CACNB2: variants seen among roughly 807,000 people sequenced by gnomAD.
CACNB2 encodes the protein voltage-dependent L-type calcium channel subunit beta-2.
CACNB2 carries 42 observed loss-of-function variants against 73.3 expected under a neutral mutation model. The ratio of observed to expected loss-of-function variants is 0.57; its 90% CI spans 0.45 to 0.74. The LOEUF is 0.74. Among genes scored for constraint, CACNB2 ranks in the 30% least tolerant of loss-of-function variants. The pLI, the probability that CACNB2 is intolerant of heterozygous loss-of-function variation, is 0.00. For missense variants in CACNB2, 940 were observed against 853.0 expected (o/e 1.10, Z -1.27); for synonymous variants, 348 against 310.3 (o/e 1.12, Z -1.28).
chr10:18,527,155 C>T (rs2052554103), intron 9 of CACNB2, among the ~76,000 whole-genome samples: 1 of 151,856 alleles, frequency 6.6e-6, no homozygotes, highest in African/African-American at 2.4e-5. Context: ...CCGAGGGAGG[C>T]GGATCACTTG....
At chr10:18,180,335 A>C (rs12246467) in intron 2 of CACNB2, among the ~76,000 whole-genome samples, 5,987 of 152,202 alleles carry the variant, frequency 0.039, 396 homozygotes, top group African/African-American at 0.14. Flanking sequence ...GATCCATTGC[A>C]CTAGATGAAA....
At chr10:18,506,599 C>T (rs1484212151) in intron 6 of CACNB2, 52 bp downstream of exon 6, 1 of 1,114,366 alleles carries the variant, frequency 9.0e-7, no homozygotes, top group South Asian at 1.2e-5. Flanking sequence ...ATGCTTTCCC[C>T]AGCTCTATCC....
At chr10:18,225,243 TG>T (rs1306791947) in intron 2 of CACNB2, among the ~76,000 whole-genome samples, 2 of 151,864 alleles carry the variant, frequency 1.3e-5, no homozygotes, top group African/African-American at 4.8e-5. Context: ...TGGCAGAGGA[TG>T]GGGGATGGGG....
At chr10:18,376,159 G>A (rs1445809417) in intron 2 of CACNB2, among the ~76,000 whole-genome samples, 1 of 152,156 alleles carries the variant, frequency 6.6e-6, no homozygotes, top group Non-Finnish European at 1.5e-5. Flanking sequence ...GTACTATTCA[G>A]CCATAAAAAA....
At chr10:18,333,759 TTGGGGTG>T (rs774302052) in intron 2 of CACNB2, among the ~76,000 whole-genome samples, 5 of 152,178 alleles carry the variant, frequency 3.3e-5, no homozygotes, top group Non-Finnish European at 7.3e-5. Flanking sequence ...AAACTCTAAA[TTGGGGTG>T]TGATCAAGGG....
At chr10:18,171,508 G>A (rs1166740566) in intron 2 of CACNB2, among the ~76,000 whole-genome samples, 1 of 78,202 alleles carries the variant, frequency 1.3e-5, no homozygotes, top group Non-Finnish European at 2.4e-5. Context: ...CCTTCTTCCC[G>A]GCTTTGATAG....
chr10:18,218,204 T>C (rs2035589338), intron 2 of CACNB2, among the ~76,000 whole-genome samples: 1 of 152,198 alleles, frequency 6.6e-6, no homozygotes, highest in Non-Finnish European at 1.5e-5. Flanking sequence ...TGTACATTGT[T>C]TGTGAGAATT....
intron 3 of CACNB2, among the ~76,000 whole-genome samples, chr10:18,417,617 C>A (rs748699385): frequency 1.3e-5 from 2 of 152,050 alleles, no homozygotes; most frequent in African/African-American, 2.4e-5. Context: ...ATCCACCTGC[C>A]TTGGCCTCCC....
intron 2 of CACNB2, among the ~76,000 whole-genome samples, chr10:18,265,425 C>G (rs1172714203): frequency 1.3e-5 from 2 of 152,100 alleles, no homozygotes; most frequent in African/African-American, 4.8e-5. Context: ...GCCACCACAC[C>G]CGGCCATTTA....
At chr10:18,405,499 T>C (rs61418567) in intron 3 of CACNB2, among the ~76,000 whole-genome samples, 2,408 of 152,320 alleles carry the variant, frequency 0.016, 66 homozygotes, top group African/African-American at 0.053. Context: ...ATTTCACATA[T>C]GTATGTACTT....
chr10:18,367,640 CAA>C (rs1486667911), intron 2 of CACNB2, among the ~76,000 whole-genome samples: 4 of 151,948 alleles, frequency 2.6e-5, no homozygotes, highest in Admixed American at 6.6e-5. Context: ...GTATTGTTCT[CAA>C]GACATAAAAT....
intron 2 of CACNB2, among the ~76,000 whole-genome samples, chr10:18,359,821 C>T (rs1179409676): frequency 2.6e-5 from 4 of 151,808 alleles, no homozygotes; most frequent in Non-Finnish European, 5.9e-5. Flanking sequence ...GGCCACATCT[C>T]TTGAATTTTA....
At chr10:18,346,477 T>C (rs559561228) in intron 2 of CACNB2, among the ~76,000 whole-genome samples, 15 of 152,204 alleles carry the variant, frequency 9.9e-5, no homozygotes, top group Middle Eastern at 6.8e-3. Context: ...GTAAGGGATC[T>C]GCTAGTATTT....
chr10:18,420,098 C>G (rs768087149), intron 3 of CACNB2, among the ~76,000 whole-genome samples: 4 of 152,184 alleles, frequency 2.6e-5, no homozygotes, highest in Non-Finnish European at 4.4e-5. Context: ...TTGGCCTTAT[C>G]TGGCCTTTGT....
intron 2 of CACNB2, among the ~76,000 whole-genome samples, chr10:18,220,848 A>T (rs61407089): frequency 0.016 from 2,496 of 152,200 alleles, 86 homozygotes; most frequent in African/African-American, 0.057. Context: ...TTTCATCCCA[A>T]AACCATTCCC....
At chr10:18,396,494 C>T (rs970701675) in intron 2 of CACNB2, among the ~76,000 whole-genome samples, 3 of 152,096 alleles carry the variant, frequency 2.0e-5, no homozygotes, top group South Asian at 4.1e-4. Flanking sequence ...TTGATTGAGA[C>T]GGAGTCTCGC....
At chr10:18,303,547 A>G (rs2039611902) in intron 2 of CACNB2, among the ~76,000 whole-genome samples, 1 of 152,084 alleles carries the variant, frequency 6.6e-6, no homozygotes, top group South Asian at 2.1e-4. Flanking sequence ...AAAGAAACAC[A>G]ATCCAGGGCC....
intron 2 of CACNB2, among the ~76,000 whole-genome samples, chr10:18,157,063 A>AC: frequency 1.4e-5 from 1 of 73,854 alleles, no homozygotes; most frequent in East Asian, 2.7e-4. Flanking sequence ...ACTTTGTCTC[A>AC]AAAAAAAAAA....
At chr10:18,269,047 T>G (rs984446840) in intron 2 of CACNB2, among the ~76,000 whole-genome samples, 2 of 152,152 alleles carry the variant, frequency 1.3e-5, no homozygotes, top group Non-Finnish European at 2.9e-5. Context: ...TGGGTTAGGG[T>G]TAAGTCCTTT....
Sources: allele counts gnomAD v4.1 joint callset (sites outside exome capture counted in the v4.1 genomes callset), GRCh38; gene constraint gnomAD v4.1.1; transcripts MANE v1.5; gene names NCBI Gene and HGNC (gene_info 2026-07-23, HGNC 2026-07-21).